Variants in CELSR1 observed in about 807,000 individuals in gnomAD.
The protein encoded by CELSR1 is adhesion G protein-coupled receptor C1.
In CELSR1, 110 loss-of-function variants were observed where a neutral mutation model predicts 249.1. The observed-to-expected ratio is 0.44, with a 90% CI of 0.38 to 0.52. The LOEUF is 0.52. Among genes scored for constraint, CELSR1 ranks in the 20% least tolerant of loss-of-function variants. CELSR1 has a pLI of 0.00. For synonymous variants in CELSR1, 2,113 were observed against 1,900.0 expected (o/e 1.11, Z -2.92); for missense variants, 4,109 against 4,296.4 (o/e 0.96, Z 1.22).
At position 46,517,569 on chromosome 22, in the gene CELSR1, C is replaced by T. The variant is rs367768406; in HGVS notation, c.3544+16058G>A. 3.9e-5 allele frequency among the ~76,000 whole-genome samples: 6 copies of T among 152,200 alleles called. No individual in the cohort carries two copies. Among genetic ancestry groups the T allele is most frequent in the Non-Finnish European group, 8.8e-5 (6 of 68,034 alleles). On this transcript the variant is annotated intron_variant, in intron 1 of 34. Transcript: ENST00000674500. The surrounding 1 kb of genome is among the most constrained non-coding windows in gnomAD (Gnocchi z 5.4). ...CCACAGTAAGGTGCCCCTGCAGACA[C>T]GCCGCAAAACACGCCCCTGAGCTTC... is the stretch of plus-strand genomic sequence containing the variant.
At chr22:46,525,220 G>A (rs1216095670) in intron 1 of CELSR1, among the ~76,000 whole-genome samples, 7 of 152,198 alleles carry the variant, frequency 4.6e-5, no homozygotes, top group African/African-American at 9.7e-5. Flanking sequence ...AGGCCGAAGC[G>A]GGCAGATCAC....
At chr22:46,514,441 C>T (rs1030596599) in intron 1 of CELSR1, among the ~76,000 whole-genome samples, 2 of 152,236 alleles carry the variant, frequency 1.3e-5, no homozygotes, top group African/African-American at 2.4e-5. Flanking sequence ...TCCACCTGCA[C>T]TCTGATCCCC....
Position 46,433,519 on chromosome 22 carries a change from G to C in CELSR1, c.4523-38C>G, listed in dbSNP as rs1374575362. On this transcript the variant is annotated intron_variant, in intron 4 of 34. Transcript: ENST00000674500. This position sits in a 1 kb window ranked among gnomAD's most constrained non-coding sequence, Gnocchi z 5.7. ...AGGGAGACCCAGAGAGAAAACAGGG[G>C]TTGGCGGGGCCTACTGGGGACCGAG... 1.3e-6 allele frequency: 2 copies of C among 1,557,182 alleles called. No homozygotes were observed. The highest frequency in any genetic ancestry group is 1.8e-6 in the Non-Finnish European group (2 of 1,133,216).
At chr22:46,463,633 G>T (rs1169858287) in intron 2 of CELSR1, 74 bp downstream of exon 2, 10 of 1,416,800 alleles carry the variant, frequency 7.1e-6, no homozygotes, top group Non-Finnish European at 9.3e-6. Flanking sequence ...AGTAAACAGA[G>T]GAAACCACCT....
intron 1 of CELSR1, among the ~76,000 whole-genome samples, chr22:46,507,879 AG>A (rs1388763554): frequency 6.6e-6 from 1 of 151,960 alleles, no homozygotes; most frequent in Non-Finnish European, 1.5e-5. Context: ...GGCTGCATGG[AG>A]AAAGGACATG....
intron 1 of CELSR1, among the ~76,000 whole-genome samples, chr22:46,499,861 C>G (rs1395500715): frequency 1.3e-5 from 2 of 152,078 alleles, no homozygotes; most frequent in African/African-American, 4.8e-5. Context: ...GACATAAAAC[C>G]CCTCCACCGT....
rs554546615 is a variant in CELSR1 at position 46,439,364 on chromosome 22, C to A, written c.4231G>T (p.Val1411Leu). The A allele has an allele frequency of 1.9e-6, 3 of 1,613,984 alleles. No individual in the cohort carries two copies. The highest frequency in any genetic ancestry group is 1.1e-5 in the South Asian group (1 of 91,072). ...ACGCAGGTGCCCCCGTTCTTGCACA[C>A]CCCGTTGGCACAGCGGCCTGAGCGG... The part of the protein sequence containing the change: ...DARSGRCANG[V>L]CKNGGTCVNL... The change falls in exon 3 of 35, where the codon GTG becomes TTG. Residue 1411 changes from valine (V) to leucine (L), a missense_variant. Physicochemically the swap from Val to Leu is conservative, Grantham distance 32 (BLOSUM62 1). Around this residue, in one of 7 missense-constraint regions of CELSR1, gnomAD observed 453 missense variants for 492.0 expected, o/e 0.92. Transcript: ENST00000674500.
chr22:46,382,280 T>C (rs940254464), intron 20 of CELSR1, among the ~76,000 whole-genome samples: 9 of 152,100 alleles, frequency 5.9e-5, no homozygotes, highest in African/African-American at 1.9e-4. Flanking sequence ...TATTTTTATT[T>C]ATTTATTTAT....
At position 46,531,331 on chromosome 22, in the gene CELSR1, G is replaced by A. The variant is rs952073515; in HGVS notation, c.3544+2296C>T. Among the ~76,000 whole-genome samples, 14 of 151,904 alleles carry A rather than the reference G, an allele frequency of 9.2e-5. No individual in the cohort carries two copies. The East Asian group carries it at 1.9e-3, about 21-fold the overall frequency. Reference sequence around the variant, plus strand: ...AGCAATTTTCCTGCCTCAGCCTCCCGAGTAGCTGGGACTACAGGTGCTCGC... The same window carrying A: ...AGCAATTTTCCTGCCTCAGCCTCCCAAGTAGCTGGGACTACAGGTGCTCGC... On this transcript the variant is annotated intron_variant, in intron 1 of 34. Coordinates refer to ENST00000674500, the MANE Select transcript of CELSR1 (RefSeq NM_001378328.1).
chr22:46,410,595 G>T lies in CELSR1; in HGVS notation c.4770-34C>A. 1 of 1,601,740 alleles carries T rather than the reference G, an allele frequency of 6.2e-7. No individual in the cohort carries two copies. The highest frequency in any genetic ancestry group is 8.5e-7 in the Non-Finnish European group (1 of 1,170,630). Reference sequence around the variant, plus strand: ...GTAAAGCCATCTTCTGTGACGTCAGGGCGGGGAGAGGCGGCCACGGCGGGC... The same window carrying T: ...GTAAAGCCATCTTCTGTGACGTCAGTGCGGGGAGAGGCGGCCACGGCGGGC... On this transcript the variant is annotated intron_variant, in intron 6 of 34. Transcript: ENST00000674500. This position sits in a 1 kb window ranked among gnomAD's most constrained non-coding sequence, Gnocchi z 6.8.
Position 46,396,433 on chromosome 22 carries a change from T to C in CELSR1, c.5843+172A>G, listed in dbSNP as rs371648195. Among the ~76,000 whole-genome samples, 6 of 151,562 alleles carry C rather than the reference T, an allele frequency of 4.0e-5. No individual in the cohort carries two copies. In the East Asian group the frequency reaches 7.8e-4, roughly 20 times the overall value. Reference sequence around the variant, plus strand: ...AAAAAAATAAAAATAAAATAAAAATTAAAAAAAATTTGATTTTCACTTAAT... The same window carrying C: ...AAAAAAATAAAAATAAAATAAAAATCAAAAAAAATTTGATTTTCACTTAAT... On this transcript the variant is annotated intron_variant, in intron 13 of 34. Coordinates refer to ENST00000674500, the MANE Select transcript of CELSR1 (RefSeq NM_001378328.1). The surrounding 1 kb of genome is among the most constrained non-coding windows in gnomAD (Gnocchi z 6.4).
chr22:46,369,613 G>T, intron 26 of CELSR1, 79 bp downstream of exon 26: 3 of 1,361,872 alleles, frequency 2.2e-6, no homozygotes, highest in Non-Finnish European at 3.1e-6. Context: ...GGAGTTGGTG[G>T]CCCCAGCCAA....
In CELSR1 at chr22:46,536,022, G is replaced by T. The variant is rs757458691; in HGVS notation, c.1149C>A (p.Pro383=). 2.5e-6 allele frequency: 4 copies of T among 1,610,434 alleles called. No homozygotes were observed. The highest frequency in any genetic ancestry group is 3.4e-6 in the Non-Finnish European group (4 of 1,179,930). Residue 383 remains proline, a synonymous_variant, in exon 1 of 35, where the codon CCC becomes CCA. Coordinates refer to ENST00000674500, the MANE Select transcript of CELSR1 (RefSeq NM_001378328.1). ...CGCGGTAACGCAAGTTGGCGTTGAT[G>T]GGCGAGTCGCGGTCGCTGGCGCGGA... ...LTIRASDRDS[P]INANLRYRVL...
intron 24 of CELSR1, 40 bp downstream of exon 24, chr22:46,377,021 T>C (rs770056735): frequency 3.1e-6 from 5 of 1,602,124 alleles, no homozygotes; most frequent in Non-Finnish European, 4.3e-6. Context: ...TGCTCCAAGC[T>C]GCGGCCCAGA....
At chr22:46,424,104 T>C (rs1602116519) in intron 5 of CELSR1, among the ~76,000 whole-genome samples, 1 of 152,278 alleles carries the variant, frequency 6.6e-6, no homozygotes, top group South Asian at 2.1e-4. Flanking sequence ...TCTCACTCTT[T>C]CGCCCAGGTT....
chr22:46,508,892 T>C (rs2147759374), intron 1 of CELSR1, among the ~76,000 whole-genome samples: 1 of 152,240 alleles, frequency 6.6e-6, no homozygotes, highest in South Asian at 2.1e-4. Context: ...GACCCTGCTG[T>C]TGTCTCCGCC....
Position 46,536,848 on chromosome 22 carries a change from C to T in CELSR1, c.323G>A (p.Arg108His). 1.6e-6 allele frequency: 2 copies of T among 1,232,310 alleles called. No homozygotes were observed. Among genetic ancestry groups the T allele is most frequent in the South Asian group, 2.5e-5 (1 of 40,120 alleles). 76.3% of individuals were successfully genotyped at this position (1,232,310 alleles called of 1,614,324 possible). A position where few individuals can be genotyped will look rare whatever the true frequency, so the allele number is the denominator to read the frequency against. Reference sequence around the variant, plus strand: ...GGCTCCGCAGCCGGGAAGGTGCGTGCGCGCCCGCAGGCGGCGGCTCAGCGC... The same window carrying T: ...GGCTCCGCAGCCGGGAAGGTGCGTGTGCGCCCGCAGGCGGCGGCTCAGCGC... ...PTALSRRLRA[R>H]THLPGCGARA... The change falls in exon 1 of 35, where the codon CGC (arginine) becomes CAC (histidine). Residue 108 changes from arginine (R) to histidine (H), a missense_variant. Arg to His is a conservative substitution (Grantham distance 29, BLOSUM62 0). Transcript: ENST00000674500.
chr22:46,483,871 T>C (rs2080290498), intron 1 of CELSR1, among the ~76,000 whole-genome samples: 2 of 152,166 alleles, frequency 1.3e-5, no homozygotes, highest in African/African-American at 4.8e-5. Flanking sequence ...AAAATAATTA[T>C]TAACTGCAGA....
chr22:46,471,594 C>T lies in CELSR1; in HGVS notation c.3545-7249G>A, dbSNP rs909477199. On this transcript the variant is annotated intron_variant, in intron 1 of 34. Coordinates refer to ENST00000674500, the MANE Select transcript of CELSR1 (RefSeq NM_001378328.1). The surrounding 1 kb of genome is among the most constrained non-coding windows in gnomAD (Gnocchi z 4.9). ...TGTTTTTTGTAGAGGTGAGGCCGTG[C>T]GATGTTGCCCAGGCTGGTCTCACAC... Among the ~76,000 whole-genome samples the T allele has an allele frequency of 1.3e-5, 2 of 152,092 alleles. No homozygotes were observed. The highest frequency in any genetic ancestry group is 2.9e-5 in the Non-Finnish European group (2 of 68,014).
Sources: allele counts gnomAD v4.1 joint callset (sites outside exome capture counted in the v4.1 genomes callset), GRCh38; gene constraint gnomAD v4.1.1; regional missense constraint gnomAD v4.1.1; non-coding constraint Gnocchi (gnomAD v3.1); transcripts MANE v1.5; gene names NCBI Gene and HGNC (gene_info 2026-07-23, HGNC 2026-07-21).